Variants in LEKR1 observed in about 807,000 individuals in gnomAD.
LEKR1 encodes leucine, glutamate and lysine rich 1.
LEKR1 carries 59 observed loss-of-function variants against 72.4 expected under a neutral mutation model. The ratio of observed to expected loss-of-function variants is 0.82; its 90% CI spans 0.66 to 1.01. LEKR1 has a LOEUF of 1.01. LEKR1 is among the 50% of genes least tolerant of loss of function. LEKR1 has a pLI of 0.00. For missense variants in LEKR1, 728 were observed against 759.2 expected, an observed-to-expected ratio of 0.96 and a Z score of 0.48; for synonymous variants, 257 against 263.2, an observed-to-expected ratio of 0.98 and a Z score of 0.23.
chr3:156,890,749 G>T (rs1264007987), intron 3 of LEKR1, among the ~76,000 whole-genome samples: 1 of 151,920 alleles, frequency 6.6e-6, no homozygotes, highest in Non-Finnish European at 1.5e-5. Flanking sequence ...AGATCAGTGT[G>T]ATCAGCTTAC....
chr3:156,905,718 C>T (rs993188430), intron 3 of LEKR1, among the ~76,000 whole-genome samples: 1 of 152,038 alleles, frequency 6.6e-6, no homozygotes, highest in Non-Finnish European at 1.5e-5. Flanking sequence ...CCCCCCATTC[C>T]CTGCTTCCTT....
intron 7 of LEKR1, among the ~76,000 whole-genome samples, chr3:156,986,797 A>G (rs911597351): frequency 1.3e-5 from 2 of 152,206 alleles, no homozygotes; most frequent in South Asian, 2.1e-4. Context: ...GTTACCTTTT[A>G]CTATCATCAT....
chr3:157,020,848 C>G (rs986342418), intron 10 of LEKR1, among the ~76,000 whole-genome samples: 1 of 151,812 alleles, frequency 6.6e-6, no homozygotes, highest in Non-Finnish European at 1.5e-5. Flanking sequence ...CCTGAGGAAT[C>G]GCCACACTGA....
At chr3:157,030,101 T>C (rs191005715) in intron 12 of LEKR1, among the ~76,000 whole-genome samples, 1 of 152,146 alleles carries the variant, frequency 6.6e-6, no homozygotes, top group Non-Finnish European at 1.5e-5. Flanking sequence ...CTTACAATCA[T>C]GGCGGAAGGT....
chr3:156,865,069 T>C (rs536361480), intron 3 of LEKR1, among the ~76,000 whole-genome samples: 72 of 152,070 alleles, frequency 4.7e-4, no homozygotes, highest in Non-Finnish European at 9.0e-4. Context: ...TTTTAACATC[T>C]TCACCTGGCT....
chr3:156,962,139 G>A (rs1371385204), intron 6 of LEKR1, among the ~76,000 whole-genome samples: 2 of 152,210 alleles, frequency 1.3e-5, no homozygotes, highest in Non-Finnish European at 2.9e-5. Context: ...TCATCCGTCT[G>A]TATGGCAGAT....
intron 6 of LEKR1, among the ~76,000 whole-genome samples, chr3:156,972,007 T>C (rs1280688612): frequency 6.6e-6 from 1 of 152,132 alleles, no homozygotes; most frequent in Non-Finnish European, 1.5e-5. Flanking sequence ...ACTGAAAGGA[T>C]TATAAATCAT....
chr3:156,868,088 C>T (rs1432618973), intron 3 of LEKR1, among the ~76,000 whole-genome samples: 1 of 152,046 alleles, frequency 6.6e-6, no homozygotes, highest in Non-Finnish European at 1.5e-5. Context: ...AGATGACTGT[C>T]TGCCATGAAT....
chr3:156,859,946 G>T (rs1000264064), intron 3 of LEKR1, among the ~76,000 whole-genome samples: 5 of 152,158 alleles, frequency 3.3e-5, no homozygotes, highest in African/African-American at 1.2e-4. Flanking sequence ...ATGGCTGTTG[G>T]TGGTTCTGGG....
At chr3:156,953,011 A>G (rs1727303503) in intron 6 of LEKR1, among the ~76,000 whole-genome samples, 2 of 151,548 alleles carry the variant, frequency 1.3e-5, no homozygotes, top group African/African-American at 4.8e-5. Flanking sequence ...TATACAAAAT[A>G]TGAAGTGAAA....
chr3:156,920,479 T>C (rs1326903101), intron 3 of LEKR1, 96 bp from the exon 4 acceptor site: 8 of 752,254 alleles, frequency 1.1e-5, no homozygotes, highest in Non-Finnish European at 1.7e-5. Flanking sequence ...AGTTTCTTCT[T>C]CTACTCCTTT....
chr3:157,017,125 A>G (rs1733405567), intron 10 of LEKR1, among the ~76,000 whole-genome samples: 1 of 152,214 alleles, frequency 6.6e-6, no homozygotes, highest in Non-Finnish European at 1.5e-5. Flanking sequence ...TTGGTTTTGT[A>G]TGACATACAG....
chr3:156,977,162 C>T (rs180785789), intron 6 of LEKR1, among the ~76,000 whole-genome samples: 3 of 152,302 alleles, frequency 2.0e-5, no homozygotes, highest in Admixed American at 2.0e-4. Context: ...TGGCGTGCCA[C>T]TCTCCATGCC....
At chr3:157,004,251 A>AT (rs1560140386) in intron 9 of LEKR1, among the ~76,000 whole-genome samples, 2 of 152,188 alleles carry the variant, frequency 1.3e-5, no homozygotes, top group African/African-American at 4.8e-5. Flanking sequence ...TTATAATGAT[A>AT]AGTAGGTCAA....
At chr3:156,935,976 ATT>A (rs1178235267) in intron 5 of LEKR1, among the ~76,000 whole-genome samples, 1 of 152,210 alleles carries the variant, frequency 6.6e-6, no homozygotes, top group Non-Finnish European at 1.5e-5. Flanking sequence ...AAATGTTATA[ATT>A]TATTTGATAT....
At chr3:156,876,997 T>G (rs1718677080) in intron 3 of LEKR1, among the ~76,000 whole-genome samples, 1 of 152,192 alleles carries the variant, frequency 6.6e-6, no homozygotes, top group Non-Finnish European at 1.5e-5. Context: ...GTATATCCCT[T>G]CTATGCCAAT....
intron 9 of LEKR1, among the ~76,000 whole-genome samples, chr3:157,009,794 A>G (rs1732743393): frequency 6.6e-6 from 1 of 152,072 alleles, no homozygotes; most frequent in South Asian, 2.1e-4. Context: ...GTACACTTAT[A>G]TCAAGTTTTG....
chr3:156,927,677 T>TC, intron 5 of LEKR1, 73 bp downstream of exon 5: 1 of 534,106 alleles, frequency 1.9e-6, no homozygotes, highest in South Asian at 2.1e-5. Context: ...AAAATAATGA[T>TC]ATTTCATTTT....
intron 3 of LEKR1, among the ~76,000 whole-genome samples, chr3:156,886,900 T>C (rs1205083863): frequency 6.6e-6 from 1 of 152,218 alleles, no homozygotes; most frequent in Non-Finnish European, 1.5e-5. Context: ...TTTAGAATCA[T>C]TATATGTGTC....
Sources: gnomAD v4.1 joint callset for allele counts (sites outside exome capture counted in the v4.1 genomes callset) on GRCh38, gnomAD v4.1.1 for gene constraint, MANE v1.5 for transcripts, NCBI Gene and HGNC (gene_info 2026-07-23, HGNC 2026-07-21) for gene names.